CCDC88A: variants seen among roughly 807,000 people sequenced by gnomAD.
CCDC88A encodes coiled-coil and HOOK domain protein 88A.
A neutral mutation model predicts 234.3 loss-of-function variants in CCDC88A; 54 were observed. The ratio of observed to expected loss-of-function variants is 0.23; its 90% CI spans 0.19 to 0.29. The LOEUF is 0.29. CCDC88A is among the 10% of genes least tolerant of loss of function. The pLI is 1.00. For missense variants in CCDC88A, 1,832 were observed against 2,123.4 expected (o/e 0.86, Z 2.70); for synonymous variants, 753 against 737.8 (o/e 1.02, Z -0.33).
chr2:55,392,374 A>G (rs927112472), intron 2 of CCDC88A, among the ~76,000 whole-genome samples: 1 of 152,210 alleles, frequency 6.6e-6, no homozygotes, highest in African/African-American at 2.4e-5. Context: ...AACAAAACCT[A>G]TTAAGATTTT....
chr2:55,355,765 C>T lies in CCDC88A; in HGVS notation c.628-14G>A. The T allele has an allele frequency of 6.3e-7, 1 of 1,599,516 alleles. No homozygotes were observed. The highest frequency in any genetic ancestry group is 2.2e-5 in the East Asian group (1 of 44,482). On this transcript the variant is annotated splice_polypyrimidine_tract_variant and intron_variant, in intron 7 of 32. Coordinates refer to ENST00000436346, the MANE Select transcript of CCDC88A (RefSeq NM_001365480.1). ...TTCTATGATAGTCTAGAAATACACA[C>T]AGAATCACTTTCAGTATTCTACATA...
chr2:55,398,978 G>A lies in CCDC88A; in HGVS notation c.165-10092C>T, dbSNP rs1012352563. On this transcript the variant is annotated intron_variant, in intron 2 of 32. Transcript: ENST00000436346. ...GCAAATCAAGAGAATTAGTAGCTTC[G>A]GAAAAATAATACCTGGCTTTGCAGT... 5.9e-5 allele frequency among the ~76,000 whole-genome samples: 9 copies of A among 152,076 alleles called. No homozygotes were observed. In the East Asian group the frequency reaches 1.2e-3, roughly 20 times the overall value.
chr2:55,386,083 C>T (rs1049948545), intron 3 of CCDC88A, among the ~76,000 whole-genome samples: 4 of 151,514 alleles, frequency 2.6e-5, no homozygotes, highest in South Asian at 2.1e-4. Flanking sequence ...ATGAGCCGGG[C>T]GTGGTGGCAT....
chr2:55,292,885 T>C (rs1679588718), intron 31 of CCDC88A: 1 of 151,980 alleles, frequency 6.6e-6, no homozygotes, highest in South Asian at 2.1e-4. Context: ...AAAGAACTAG[T>C]GGTGTTTTGG....
intron 18 of CCDC88A, 121 bp downstream of exon 18, chr2:55,322,407 G>T: frequency 1.6e-6 from 1 of 632,206 alleles, no homozygotes; most frequent in Non-Finnish European, 2.6e-6. Context: ...TATATGACTA[G>T]AATTTTCTTA....
chr2:55,396,936 T>C lies in CCDC88A; in HGVS notation c.165-8050A>G, dbSNP rs12992823. Among the ~76,000 whole-genome samples, 857 of 150,176 alleles carry C rather than the reference T, an allele frequency of 5.7e-3. 6 individuals are homozygous for C. Among genetic ancestry groups the C allele is most frequent in the Non-Finnish European group, 9.6e-3 (647 of 67,686 alleles). On this transcript the variant is annotated intron_variant, in intron 2 of 32. Transcript: ENST00000436346. Reference sequence around the variant, plus strand: ...TTCTAAAACCCGAGTGTACATCATATATCACTGTTTTACTGTATTGTTTGA... The same window carrying C: ...TTCTAAAACCCGAGTGTACATCATACATCACTGTTTTACTGTATTGTTTGA...
rs375838554 is a variant in CCDC88A at position 55,326,269 on chromosome 2, C to T, written c.2997+2025G>A. 1.4e-4 allele frequency among the ~76,000 whole-genome samples: 22 copies of T among 152,156 alleles called. No individual in the cohort carries two copies. In the East Asian group the frequency reaches 3.9e-3, roughly 27 times the overall value. On this transcript the variant is annotated intron_variant, in intron 17 of 32. Coordinates refer to ENST00000436346, the MANE Select transcript of CCDC88A (RefSeq NM_001365480.1). The stretch of plus-strand genomic sequence containing the variant: ...TGCGCTCAAGCGAACTTGCCGACCT[C>T]AGCCTTCCAAAGTGCTGGGATTACA...
intron 25 of CCDC88A, among the ~76,000 whole-genome samples, chr2:55,304,269 G>A (rs1235436457): frequency 1.3e-5 from 2 of 152,178 alleles, no homozygotes; most frequent in African/African-American, 4.8e-5. Flanking sequence ...CTGCACTCCA[G>A]CCTGGGTGAC....
chr2:55,334,724 A>G lies in CCDC88A; in HGVS notation c.2097T>C (p.Leu699=). Residue 699 remains leucine, a synonymous_variant, in exon 15 of 33, where the codon CTT becomes CTC. Transcript: ENST00000436346. The surrounding 1 kb of genome is among the most constrained non-coding windows in gnomAD (Gnocchi z 6.1). ...LESLEKENSQ[L]DEENLELRRN... The stretch of plus-strand genomic sequence containing the variant: ...TTCGCAGTTCTAAGTTTTCCTCATC[A>G]AGTTGGGAATTCTCTTTTTCTAGGG... The G allele has an allele frequency of 6.2e-7, 1 of 1,612,914 alleles. No homozygotes were observed. Among genetic ancestry groups the G allele is most frequent in the Non-Finnish European group, 8.5e-7 (1 of 1,179,566 alleles).
chr2:55,303,288 G>T, intron 25 of CCDC88A, 136 bp from the exon 26 acceptor site: 1 of 638,180 alleles, frequency 1.6e-6, no homozygotes, highest in Non-Finnish European at 2.9e-6. Flanking sequence ...CTATATTAAG[G>T]CTATTATTCT....
In CCDC88A at chr2:55,296,637, CA is replaced by C. The variant is rs1452976480; in HGVS notation, c.4826-115del. 4 of 1,003,412 alleles carry C rather than the reference CA, an allele frequency of 4.0e-6. No individual in the cohort carries two copies. In the African/African-American group the frequency reaches 6.5e-5, roughly 16 times the overall value. The allele number at this position is 1,003,412 out of a possible 1,614,324, so 62.2% of individuals were successfully genotyped here. On this transcript the variant is annotated intron_variant, in intron 29 of 32. Transcript: ENST00000436346. The stretch of plus-strand genomic sequence containing the variant: ...TTATATGAACAGCCAAATTTACTTT[CA>C]AGCTTTATTTAGAAATGCTTAGTAA...
chr2:55,352,566 T>A (rs1171242201), intron 8 of CCDC88A, among the ~76,000 whole-genome samples: 1 of 152,142 alleles, frequency 6.6e-6, no homozygotes, highest in Non-Finnish European at 1.5e-5. Context: ...GCGAATTATA[T>A]CTCAATAAGT....
At chr2:55,377,089 C>A (rs1223057466) in intron 3 of CCDC88A, among the ~76,000 whole-genome samples, 2 of 152,300 alleles carry the variant, frequency 1.3e-5, no homozygotes, top group East Asian at 3.9e-4. Flanking sequence ...GCCTCGGCCT[C>A]CCAAAGTGCT....
At chr2:55,347,649 C>T (rs575885136) in intron 9 of CCDC88A, among the ~76,000 whole-genome samples, 12 of 124,504 alleles carry the variant, frequency 9.6e-5, no homozygotes, top group Non-Finnish European at 1.8e-4. Flanking sequence ...CACTCTGTCA[C>T]GCAGGCTGGA....
At chr2:55,384,229 A>G (rs2104868279) in intron 3 of CCDC88A, among the ~76,000 whole-genome samples, 1 of 150,664 alleles carries the variant, frequency 6.6e-6, no homozygotes, top group Middle Eastern at 3.5e-3. Context: ...TTATAAACAC[A>G]TAAGGAAAAA....
intron 4 of CCDC88A, 138 bp from the exon 5 acceptor site, chr2:55,372,648 C>A: frequency 2.1e-6 from 1 of 484,676 alleles, no homozygotes; most frequent in Admixed American, 3.9e-5. Context: ...GTGGAGCATT[C>A]AAAATAGCAG....
rs755154277 is a variant in CCDC88A at position 55,418,822 on chromosome 2, A to C, written c.158T>G (p.Leu53Arg). 1 of 1,611,608 alleles carries C rather than the reference A, an allele frequency of 6.2e-7. No homozygotes were observed. Among genetic ancestry groups the C allele is most frequent in the South Asian group, 1.1e-5 (1 of 91,044 alleles). ...VDGVFLNQVM[L>R]QINPKLESQR... Reference sequence around the variant, plus strand: ...GAAAGAAGGAAGAACTTACATTTGGAGCATGACCTGGTTCAAGAATACCCC... The same window carrying C: ...GAAAGAAGGAAGAACTTACATTTGGCGCATGACCTGGTTCAAGAATACCCC... The change falls in exon 2 of 33, where the codon CTC (leucine) becomes CGC (arginine). Residue 53 changes from leucine (L) to arginine (R), a missense_variant. Physicochemically the swap from Leu to Arg is moderately radical, Grantham distance 102. Around this residue, in one of 6 missense-constraint regions of CCDC88A, gnomAD observed 84 missense variants for 80.9 expected, o/e 1.04. Coordinates refer to ENST00000436346, the MANE Select transcript of CCDC88A (RefSeq NM_001365480.1).
chr2:55,335,013 A>C lies in CCDC88A; in HGVS notation c.1808T>G (p.Leu603Arg). ...HESIKETSSKLSKIEFEKRQI... is the reference protein window; with the variant it reads ...HESIKETSSKRSKIEFEKRQI... Reference sequence around the variant, plus strand: ...TCTTTTTTCAAATTCAATCTTGCTTAGCTTGCTACTTGTTTCTTTGATAGA... The same window carrying C: ...TCTTTTTTCAAATTCAATCTTGCTTCGCTTGCTACTTGTTTCTTTGATAGA... Residue 603 changes from leucine (L) to arginine (R), a missense_variant, in exon 15 of 33, where the codon CTA becomes CGA. Around this residue, in one of 6 missense-constraint regions of CCDC88A, gnomAD observed 1,282 missense variants for 1,543.6 expected, o/e 0.83. Transcript: ENST00000436346. The surrounding 1 kb of genome is among the most constrained non-coding windows in gnomAD (Gnocchi z 4.5). 6.2e-7 allele frequency: 1 copy of C among 1,608,274 alleles called. No homozygotes were observed. The highest frequency in any genetic ancestry group is 8.5e-7 in the Non-Finnish European group (1 of 1,176,634).
At chr2:55,403,593 T>G (rs6721593) in intron 2 of CCDC88A, 1 of 152,230 alleles carries the variant, frequency 6.6e-6, no homozygotes, top group Non-Finnish European at 1.5e-5. Flanking sequence ...AACACACGCA[T>G]AAAAAGGCAA....
Sources: gnomAD v4.1 joint callset for allele counts (sites outside exome capture counted in the v4.1 genomes callset) on GRCh38, gnomAD v4.1.1 for gene constraint, gnomAD v4.1.1 regional missense constraint, Gnocchi (gnomAD v3.1) non-coding constraint, MANE v1.5 for transcripts, NCBI Gene and HGNC (gene_info 2026-07-23, HGNC 2026-07-21) for gene names.